The following RASA2 variants were observed in gnomAD, a reference collection of about 807,000 sequenced individuals.
The protein encoded by RASA2 is RAS p21 protein activator 2.
A neutral mutation model predicts 118.2 loss-of-function variants in RASA2; 155 were observed. The observed-to-expected ratio is 1.31, with a 90% CI of 1.15 to 1.50. The LOEUF is 1.50. Among genes scored for constraint, RASA2 ranks in the 40% most tolerant of loss-of-function variants. RASA2 has a pLI of 0.00. For missense variants in RASA2, 1,016 were observed against 1,009.6 expected (o/e 1.01, Z -0.09); for synonymous variants, 353 against 349.1 (o/e 1.01, Z -0.12).
At chr3:141,511,175 G>A (rs2081945343) in intron 1 of RASA2, among the ~76,000 whole-genome samples, 2 of 152,154 alleles carry the variant, frequency 1.3e-5, no homozygotes, top group South Asian at 4.1e-4. Flanking sequence ...GAGAAAAATG[G>A]TAGACTGGGG....
intron 23 of RASA2, among the ~76,000 whole-genome samples, chr3:141,610,696 G>A (rs890473084): frequency 2.0e-5 from 3 of 151,226 alleles, no homozygotes; most frequent in Non-Finnish European, 4.4e-5. Flanking sequence ...TCGCTATGTT[G>A]CCCAGGCTGG....
At chr3:141,549,923 G>T (rs976487871) in intron 5 of RASA2, among the ~76,000 whole-genome samples, 11 of 152,150 alleles carry the variant, frequency 7.2e-5, no homozygotes, top group Non-Finnish European at 1.6e-4. Context: ...AACAATTTGA[G>T]CTTCAGAATA....
intron 1 of RASA2, among the ~76,000 whole-genome samples, chr3:141,509,876 G>A (rs2081924006): frequency 6.6e-6 from 1 of 152,148 alleles, no homozygotes; most frequent in Non-Finnish European, 1.5e-5. Flanking sequence ...CCCATTTTAG[G>A]CAGTTAATTA....
At chr3:141,598,822 C>T (rs537233082) in intron 19 of RASA2, among the ~76,000 whole-genome samples, 5 of 152,156 alleles carry the variant, frequency 3.3e-5, no homozygotes, top group Non-Finnish European at 5.9e-5. Flanking sequence ...CGGTGGTTCA[C>T]GCCTATAATC....
chr3:141,497,939 T>C (rs1429820768), intron 1 of RASA2, among the ~76,000 whole-genome samples: 3 of 152,196 alleles, frequency 2.0e-5, no homozygotes, highest in Non-Finnish European at 4.4e-5. Context: ...ACTAATTGTT[T>C]ATGTTAGAAA....
intron 19 of RASA2, among the ~76,000 whole-genome samples, chr3:141,593,563 C>T (rs958596531): frequency 6.6e-6 from 1 of 152,060 alleles, no homozygotes; most frequent in Non-Finnish European, 1.5e-5. Flanking sequence ...ACTCTTAAAC[C>T]GCTAATGCAA....
At chr3:141,489,536 G>A (rs1023959341) in intron 1 of RASA2, among the ~76,000 whole-genome samples, 1 of 152,220 alleles carries the variant, frequency 6.6e-6, no homozygotes, top group Non-Finnish European at 1.5e-5. Context: ...TTGGAAGAAA[G>A]CCTGATAGTG....
At chr3:141,524,111 T>C (rs2082151293) in intron 3 of RASA2, among the ~76,000 whole-genome samples, 1 of 152,170 alleles carries the variant, frequency 6.6e-6, no homozygotes, top group Non-Finnish European at 1.5e-5. Flanking sequence ...ATGATCCTAT[T>C]GTTTGTCAGT....
At chr3:141,572,481 C>G in intron 11 of RASA2, 128 bp from the exon 12 acceptor site, 2 of 626,098 alleles carry the variant, frequency 3.2e-6, no homozygotes, top group Middle Eastern at 3.8e-4. Context: ...TTGTAGGTCA[C>G]TTATGCCTTC....
chr3:141,581,179 T>G lies in RASA2; in HGVS notation c.1752+2T>G. ...GGATATATTATAGCAGTTAAAAAGG[T>G]ATGATGGTTTTATTCTGGAATTGTT... On this transcript the variant is annotated splice_donor_variant, in intron 17 of 23. Coordinates refer to ENST00000286364, the MANE Select transcript of RASA2 (RefSeq NM_006506.5). LOFTEE classifies it high-confidence loss of function. The G allele has an allele frequency of 6.7e-7, 1 of 1,488,604 alleles. No individual in the cohort carries two copies. Among genetic ancestry groups the G allele is most frequent in the Non-Finnish European group, 8.9e-7 (1 of 1,121,792 alleles). 92.2% of individuals were successfully genotyped at this position (1,488,604 alleles called of 1,614,324 possible).
Position 141,512,175 on chromosome 3 carries a change from A to G in RASA2, c.146A>G (p.Asn49Ser). 3.1e-6 allele frequency: 5 copies of G among 1,607,366 alleles called. No individual in the cohort carries two copies. The highest frequency in any genetic ancestry group is 4.2e-6 in the Non-Finnish European group (5 of 1,177,632). Residue 49 changes from asparagine to serine, a missense_variant, in exon 2 of 24, where the codon AAT (asparagine) becomes AGT (serine). Asn to Ser is a conservative substitution (Grantham distance 46, BLOSUM62 1). This residue lies in a region of RASA2 where 896 missense variants were observed against 836.4 expected (regional missense o/e 1.07). Coordinates refer to ENST00000286364, the MANE Select transcript of RASA2 (RefSeq NM_006506.5). The stretch of plus-strand genomic sequence containing the variant: ...TTTATGCCAACAGGTGAAGCAAAAA[A>G]TTTATTGCCATATCTTGGACCCCAC... Reference protein sequence around the residue: ...SLRGKICEAKNLLPYLGPHKM... With the variant: ...SLRGKICEAKSLLPYLGPHKM...
At chr3:141,599,062 C>T (rs775415259) in intron 19 of RASA2, among the ~76,000 whole-genome samples, 13 of 151,766 alleles carry the variant, frequency 8.6e-5, no homozygotes, top group Non-Finnish European at 1.3e-4. Flanking sequence ...CACTCCAGCC[C>T]CGGCGACAGA....
intron 14 of RASA2, among the ~76,000 whole-genome samples, chr3:141,574,348 C>A (rs1220318311): frequency 2.6e-5 from 4 of 151,866 alleles, no homozygotes; most frequent in African/African-American, 7.3e-5. Flanking sequence ...CGCCACCATG[C>A]CCAGCTAATT....
rs562128860 is a variant in RASA2, at chr3:141,540,616, A to AT, written c.527+15dup. The AT allele has an allele frequency of 1.1e-4, 169 of 1,596,378 alleles. No individual in the cohort carries two copies. The highest frequency in any genetic ancestry group is 7.6e-4 in the South Asian group (68 of 89,346). On this transcript the variant is annotated splice_region_variant and intron_variant, in intron 5 of 23. Coordinates refer to ENST00000286364, the MANE Select transcript of RASA2 (RefSeq NM_006506.5). ...GCCAGCAGCTTGTTGTACAGTAAGCATTTTTTTTAACCAAAATCAACTAGA... is the reference window on the plus strand; with the variant it reads ...GCCAGCAGCTTGTTGTACAGTAAGCATTTTTTTTTAACCAAAATCAACTAGA...
At position 141,580,081 on chromosome 3, in the gene RASA2, A is replaced by AT. The variant is rs1399495918; in HGVS notation, c.1591-287_1591-286insT. ...AGGAAAAAAAAAAGAAAAAAAAAAA[A>AT]AAAAATATATATATATATATATATA... On this transcript the variant is annotated intron_variant, in intron 15 of 23. Coordinates refer to ENST00000286364, the MANE Select transcript of RASA2 (RefSeq NM_006506.5). 1.7e-4 allele frequency among the ~76,000 whole-genome samples: 16 copies of AT among 95,586 alleles called. No homozygotes were observed. The South Asian group carries it at 2.4e-3, about 15-fold the overall frequency. 62.7% of individuals were successfully genotyped at this position (95,586 alleles called of 152,430 possible). A position where few individuals can be genotyped will look rare whatever the true frequency, so the allele number is the denominator to read the frequency against.
At chr3:141,487,977 G>A (rs1182270548) in intron 1 of RASA2, among the ~76,000 whole-genome samples, 3 of 152,168 alleles carry the variant, frequency 2.0e-5, no homozygotes, top group Non-Finnish European at 1.5e-5. Context: ...CAATCACCCA[G>A]CCCGCACTCA....
rs955300765 is a variant in RASA2 at position 141,516,501 on chromosome 3, T to C, written c.355+70T>C. On this transcript the variant is annotated intron_variant, in intron 3 of 23. Coordinates refer to ENST00000286364, the MANE Select transcript of RASA2 (RefSeq NM_006506.5). ...ATATTCATTCGTTCTCTTAGTATAGTTTTGAAAATTGCAGAATAATATATG... is the reference window on the plus strand; with the variant it reads ...ATATTCATTCGTTCTCTTAGTATAGCTTTGAAAATTGCAGAATAATATATG... The C allele has an allele frequency of 4.3e-6, 5 of 1,173,118 alleles. No homozygotes were observed. The African/African-American group carries it at 4.8e-5, about 11-fold the overall frequency. The allele number at this position is 1,173,118 out of a possible 1,614,324, so 72.7% of individuals were successfully genotyped here.
intron 3 of RASA2, 114 bp from the exon 4 acceptor site, chr3:141,529,594 T>C: frequency 6.7e-6 from 4 of 600,120 alleles, no homozygotes; most frequent in Non-Finnish European, 1.0e-5. Context: ...TTTATGTCAA[T>C]AGGTACAAAT....
chr3:141,596,167 A>G (rs2083363732), intron 19 of RASA2, among the ~76,000 whole-genome samples: 1 of 152,212 alleles, frequency 6.6e-6, no homozygotes, highest in African/African-American at 2.4e-5. Flanking sequence ...GACTTTTTAC[A>G]AAGTATGTTC....
Sources: allele counts gnomAD v4.1 joint callset (sites outside exome capture counted in the v4.1 genomes callset), GRCh38; gene constraint gnomAD v4.1.1; regional missense constraint gnomAD v4.1.1; transcripts MANE v1.5; gene names NCBI Gene and HGNC (gene_info 2026-07-23, HGNC 2026-07-21).